EP400: variants seen among roughly 807,000 people sequenced by gnomAD.
EP400 encodes the protein E1A binding protein p400, also known as E1A-binding protein p400.
Under a neutral mutation model 354.1 loss-of-function variants are expected in EP400, and 105 were observed. The observed-to-expected ratio is 0.30, with a 90% CI of 0.25 to 0.35. EP400 has a LOEUF of 0.35. Ranked by LOEUF, EP400 falls within the 10% of genes least tolerant of loss-of-function variation. EP400 has a pLI of 1.00. For synonymous variants in EP400, 1,646 were observed against 1,716.9 expected, an observed-to-expected ratio of 0.96 and a Z score of 1.02; for missense variants, 3,280 against 4,121.0, an observed-to-expected ratio of 0.80 and a Z score of 5.59.
Position 132,013,418 on chromosome 12 carries a change from G to T in EP400, c.3612-72G>T. On this transcript the variant is annotated intron_variant, in intron 17 of 52. Coordinates refer to ENST00000389561, the MANE Select transcript of EP400 (RefSeq NM_015409.5). The surrounding 1 kb of genome is among the most constrained non-coding windows in gnomAD (Gnocchi z 4.5). Reference sequence around the variant, plus strand: ...ATTACTGTCCCTTTTCTCACACATTGTCAGAGAAGATGCTGCTGCAGCCAG... The same window carrying T: ...ATTACTGTCCCTTTTCTCACACATTTTCAGAGAAGATGCTGCTGCAGCCAG... 6.7e-7 allele frequency: 1 copy of T among 1,500,294 alleles called. No individual in the cohort carries two copies. The highest frequency in any genetic ancestry group is 8.9e-7 in the Non-Finnish European group (1 of 1,120,230). The allele number at this position is 1,500,294 out of a possible 1,614,324, so 92.9% of individuals were successfully genotyped here.
rs1214416488 is a variant in EP400 at position 131,990,028 on chromosome 12, A to G, written c.2474A>G (p.Glu825Gly). ...CTCCGTGAAGAAAGGGGGAAGAAGGAAGAGCAGAGCAGACTGAGGCGGATA... is the reference window on the plus strand; with the variant it reads ...CTCCGTGAAGAAAGGGGGAAGAAGGGAGAGCAGAGCAGACTGAGGCGGATA... ...KQLREERGKKEEQSRLRRIAA... is the reference protein window; with the variant it reads ...KQLREERGKKGEQSRLRRIAA... Residue 825 changes from glutamate to glycine, a missense_variant, in exon 8 of 53, where the codon GAA (glutamate) becomes GGA (glycine). Glu to Gly is a moderately conservative substitution (Grantham distance 98). Coordinates refer to ENST00000389561, the MANE Select transcript of EP400 (RefSeq NM_015409.5). The surrounding 1 kb of genome is among the most constrained non-coding windows in gnomAD (Gnocchi z 4.2). 2 of 1,613,678 alleles carry G rather than the reference A, an allele frequency of 1.2e-6. No individual in the cohort carries two copies. The highest frequency in any genetic ancestry group is 2.7e-5 in the African/African-American group (2 of 74,916).
At chr12:132,015,336 A>G (rs555456797) in intron 19 of EP400, among the ~76,000 whole-genome samples, 98 of 152,254 alleles carry the variant, frequency 6.4e-4, no homozygotes, top group Non-Finnish European at 1.3e-3. Context: ...CCGCTTTGCC[A>G]TGTTGCTGAA....
chr12:131,999,149 A>T (rs1407430968), intron 12 of EP400, among the ~76,000 whole-genome samples: 1 of 151,860 alleles, frequency 6.6e-6, no homozygotes, highest in South Asian at 2.1e-4. Flanking sequence ...TTCAAACCTA[A>T]TGTTTGTTGC....
intron 2 of EP400, among the ~76,000 whole-genome samples, chr12:131,969,720 AT>A (rs1346931651): frequency 6.6e-6 from 1 of 152,156 alleles, no homozygotes; most frequent in Non-Finnish European, 1.5e-5. Flanking sequence ...TGATTCTGCT[AT>A]TTAGATACTC....
chr12:132,063,873 C>T (rs541501753), intron 47 of EP400, among the ~76,000 whole-genome samples: 16 of 152,310 alleles, frequency 1.1e-4, no homozygotes, highest in South Asian at 4.1e-4. Context: ...TCCTGCGGGA[C>T]GTGCCACTGG....
rs966560428 is a variant in EP400 at position 131,982,325 on chromosome 12, C to G, written c.1776C>G (p.Ile592Met). ...TAGAGGCCCAGACACAGCTCCAAAT[C>G]CCGGTGAAGACTCAGCAGCCCAATG... ...QVVEAQTQLQIPVKTQQPNVP... is the reference protein window; with the variant it reads ...QVVEAQTQLQMPVKTQQPNVP... Residue 592 changes from isoleucine to methionine, a missense_variant, in exon 5 of 53, where the codon ATC becomes ATG. Coordinates refer to ENST00000389561, the MANE Select transcript of EP400 (RefSeq NM_015409.5). The G allele has an allele frequency of 6.8e-6, 11 of 1,614,038 alleles. No homozygotes were observed. In the African/African-American group the frequency reaches 1.5e-4, roughly 22 times the overall value.
intron 3 of EP400, among the ~76,000 whole-genome samples, chr12:131,981,216 T>C (rs1464188473): frequency 6.6e-6 from 1 of 152,212 alleles, no homozygotes; most frequent in Non-Finnish European, 1.5e-5. Flanking sequence ...TTCTGAGTGC[T>C]AAGCAAGCCC....
intron 1 of EP400, among the ~76,000 whole-genome samples, chr12:131,953,308 T>C (rs1242036316): frequency 6.6e-6 from 1 of 152,182 alleles, no homozygotes; most frequent in Non-Finnish European, 1.5e-5. Context: ...TTTATAACCT[T>C]ATTATTTGGT....
Position 132,054,433 on chromosome 12 carries a change from G to A in EP400, c.7729-541G>A, listed in dbSNP as rs968397769. ...GGCAGTGCCCACATTCTGGAGCCAC[G>A]TCCTACAGGGGAGGGAGGCAGCCAA... On this transcript the variant is annotated intron_variant, in intron 43 of 52. Transcript: ENST00000389561. The surrounding 1 kb of genome is among the most constrained non-coding windows in gnomAD (Gnocchi z 4.0). 5.3e-5 allele frequency among the ~76,000 whole-genome samples: 8 copies of A among 152,196 alleles called. No individual in the cohort carries two copies. The highest frequency in any genetic ancestry group is 2.0e-4 in the Admixed American group (3 of 15,276).
intron 1 of EP400, among the ~76,000 whole-genome samples, chr12:131,958,377 TC>T (rs1566159340): frequency 6.6e-6 from 1 of 152,216 alleles, no homozygotes; most frequent in Non-Finnish European, 1.5e-5. Flanking sequence ...GTCTTCTGAC[TC>T]CATCTTCAGA....
chr12:131,997,261 G>GT (rs972704181), intron 12 of EP400, among the ~76,000 whole-genome samples: 2 of 151,282 alleles, frequency 1.3e-5, no homozygotes, highest in African/African-American at 4.8e-5. Context: ...ATTTTATGTG[G>GT]TTTTTTTCTT....
intron 30 of EP400, among the ~76,000 whole-genome samples, chr12:132,035,336 A>G (rs1894658057): frequency 6.6e-6 from 1 of 152,224 alleles, no homozygotes; most frequent in African/African-American, 2.4e-5. Context: ...CATGGCACAA[A>G]GCAGTCACTG....
intron 45 of EP400, among the ~76,000 whole-genome samples, chr12:132,061,293 GAA>G (rs1174596151): frequency 6.6e-6 from 1 of 152,192 alleles, no homozygotes. Context: ...CATTGGTGAG[GAA>G]AGAGTCATCT....
chr12:132,074,974 C>G (rs1283900882), intron 51 of EP400, among the ~76,000 whole-genome samples: 1 of 152,072 alleles, frequency 6.6e-6, no homozygotes, highest in African/African-American at 2.4e-5. Context: ...CCGCGGGCAC[C>G]TTCAGGTGCC....
Position 132,018,476 on chromosome 12 carries a change from A to G in EP400, c.4277+100A>G. The G allele has an allele frequency of 5.5e-6, 8 of 1,465,328 alleles. No individual in the cohort carries two copies. The highest frequency in any genetic ancestry group is 7.3e-6 in the Non-Finnish European group (8 of 1,099,202). 90.8% of individuals were successfully genotyped at this position (1,465,328 alleles called of 1,614,324 possible). A position where few individuals can be genotyped will look rare whatever the true frequency, so the allele number is the denominator to read the frequency against. On this transcript the variant is annotated intron_variant, in intron 21 of 52. Coordinates refer to ENST00000389561, the MANE Select transcript of EP400 (RefSeq NM_015409.5). The surrounding 1 kb of genome is among the most constrained non-coding windows in gnomAD (Gnocchi z 4.0). Reference sequence around the variant, plus strand: ...GAAAAGAAAGGCTGCTAATGTAGTTAGGTTATCTGCTGCTCTTGGGACCTT... The same window carrying G: ...GAAAAGAAAGGCTGCTAATGTAGTTGGGTTATCTGCTGCTCTTGGGACCTT...
At position 132,055,199 on chromosome 12, in the gene EP400, G is replaced by T; in HGVS notation, c.7875G>T (p.Gly2625=). ...NKRLASPVAP[G]ALTTPGGSAP... ...GCCTGGCGTCGCCAGTGGCTCCTGG[G>T]GCCTTGACTGTGAGTTGCGCTTCAC... The change falls in exon 45 of 53, where the codon GGG becomes GGT. Residue 2625 remains glycine, a synonymous_variant. Transcript: ENST00000389561. 6.4e-7 allele frequency: 1 copy of T among 1,562,418 alleles called. No individual in the cohort carries two copies. Among genetic ancestry groups the T allele is most frequent in the Non-Finnish European group, 8.7e-7 (1 of 1,153,196 alleles).
At position 131,990,111 on chromosome 12, in the gene EP400, G is replaced by A. The variant is rs1383517739; in HGVS notation, c.2550+7G>A. The A allele has an allele frequency of 6.3e-7, 1 of 1,598,458 alleles. No homozygotes were observed. ...TTGGTCGAATATTGAACAGGCGAGTGCTGCCGTTGTCATGGGGTCGTAAGA... is the reference window on the plus strand; with the variant it reads ...TTGGTCGAATATTGAACAGGCGAGTACTGCCGTTGTCATGGGGTCGTAAGA... On this transcript the variant is annotated splice_region_variant and intron_variant, in intron 8 of 52. Coordinates refer to ENST00000389561, the MANE Select transcript of EP400 (RefSeq NM_015409.5). This position sits in a 1 kb window ranked among gnomAD's most constrained non-coding sequence, Gnocchi z 4.2.
chr12:131,986,405 G>A (rs1892855125), intron 5 of EP400, 109 bp from the exon 6 acceptor site: 3 of 1,048,966 alleles, frequency 2.9e-6, no homozygotes, highest in East Asian at 2.4e-5. Context: ...TGGAGCGGAA[G>A]GTGCTGGCAG....
intron 5 of EP400, among the ~76,000 whole-genome samples, chr12:131,982,723 C>G (rs1892723932): frequency 6.6e-6 from 1 of 152,050 alleles, no homozygotes; most frequent in Admixed American, 6.5e-5. Flanking sequence ...GTAATCCCAG[C>G]CTTTGGGAGG....
Sources: allele counts gnomAD v4.1 joint callset (sites outside exome capture counted in the v4.1 genomes callset), GRCh38; gene constraint gnomAD v4.1.1; non-coding constraint Gnocchi (gnomAD v3.1); transcripts MANE v1.5; gene names NCBI Gene and HGNC (gene_info 2026-07-23, HGNC 2026-07-21).